Variants in PALM2AKAP2 observed in about 807,000 individuals in gnomAD.
PALM2AKAP2 encodes the protein PALM2-AKAP2 fusion protein.
In PALM2AKAP2, 37 loss-of-function variants were observed where a neutral mutation model predicts 71.5. The observed-to-expected ratio is 0.52, with a 90% CI of 0.40 to 0.68. The LOEUF (loss-of-function observed/expected upper bound fraction) is 0.68, where lower values mean the gene tolerates loss of function less well. Among genes scored for constraint, PALM2AKAP2 ranks in the 30% least tolerant of loss-of-function variants. The probability of loss-of-function intolerance (pLI) is 0.00; values close to 1 mark genes in which losing one functional copy is unlikely to be tolerated. For synonymous variants in PALM2AKAP2, 468 were observed against 478.8 expected (o/e 0.98, Z 0.29); for missense variants, 1,224 against 1,191.8 (o/e 1.03, Z -0.40).
chr9:110,106,509 T>G (rs551886414), intron 1 of PALM2AKAP2, among the ~76,000 whole-genome samples: 1 of 152,048 alleles, frequency 6.6e-6, no homozygotes, highest in East Asian at 1.9e-4. Context: ...CCCTTTTAGG[T>G]AGAGGGAAGA....
intron 3 of PALM2AKAP2, among the ~76,000 whole-genome samples, chr9:109,904,696 A>C (rs1021550316): frequency 6.6e-5 from 10 of 152,194 alleles, no homozygotes; most frequent in African/African-American, 2.4e-4. Flanking sequence ...CTGAACACAG[A>C]GGTGGCCGGT....
chr9:109,780,768 G>A (rs78500620), intron 1 of PALM2AKAP2, among the ~76,000 whole-genome samples: 1 of 152,296 alleles, frequency 6.6e-6, no homozygotes, highest in East Asian at 1.9e-4. Context: ...CTTAAAAAAA[G>A]ATGCTTGCTG....
At chr9:109,880,739 G>T in intron 3 of PALM2AKAP2, 58 bp downstream of exon 3, 1 of 1,594,844 alleles carries the variant, frequency 6.3e-7, no homozygotes, top group Non-Finnish European at 8.5e-7. Flanking sequence ...AGTAACCACT[G>T]CTCTCCTCTA....
chr9:110,135,668 G>A (rs993329777), intron 1 of PALM2AKAP2, among the ~76,000 whole-genome samples: 6 of 152,156 alleles, frequency 3.9e-5, no homozygotes, highest in Admixed American at 3.3e-4. Context: ...CTGTTTTCCA[G>A]TATTTTATTC....
At chr9:109,743,800 A>G (rs1828756747) in intron 1 of PALM2AKAP2, among the ~76,000 whole-genome samples, 1 of 152,216 alleles carries the variant, frequency 6.6e-6, no homozygotes, top group African/African-American at 2.4e-5. Context: ...AACAGGAGAC[A>G]TGTCTTTCTT....
chr9:109,722,671 C>T (rs1828423882), intron 1 of PALM2AKAP2, among the ~76,000 whole-genome samples: 1 of 152,124 alleles, frequency 6.6e-6, no homozygotes, highest in South Asian at 2.1e-4. Flanking sequence ...TTTCGTGAGG[C>T]TGAGGTGGGG....
chr9:109,699,926 C>G lies in PALM2AKAP2; in HGVS notation c.5+59060C>G, dbSNP rs531745973. Reference sequence around the variant, plus strand: ...GAGTAGCTGGGACTACAGGCATGTGCCGCCACACCCGGCTAATTTTTGTAT... The same window carrying G: ...GAGTAGCTGGGACTACAGGCATGTGGCGCCACACCCGGCTAATTTTTGTAT... On this transcript the variant is annotated intron_variant, in intron 1 of 6. Coordinates refer to the PALM2AKAP2 transcript ENST00000374531. Among the ~76,000 whole-genome samples, 6 of 152,176 alleles carry G rather than the reference C, an allele frequency of 3.9e-5. No individual in the cohort carries two copies. The South Asian group carries it at 1.2e-3, about 32-fold the overall frequency.
In PALM2AKAP2 at chr9:110,041,802, C is replaced by T. The variant is rs561181098; in HGVS notation, c.582+25763C>T. ...AAGTAAGGGCGACTGTGTCCACCTC[C>T]GGTGGTTCCCAAATCAGGCTGTCAC... On this transcript the variant is annotated intron_variant, in intron 7 of 9. Transcript: ENST00000302798. Among the ~76,000 whole-genome samples, 52 of 152,348 alleles carry T rather than the reference C, an allele frequency of 3.4e-4. 1 individual carries two copies. In the South Asian group the frequency reaches 8.1e-3, roughly 24 times the overall value.
At chr9:109,960,501 G>A (rs1360503214) in intron 6 of PALM2AKAP2, among the ~76,000 whole-genome samples, 2 of 152,202 alleles carry the variant, frequency 1.3e-5, no homozygotes, top group Non-Finnish European at 2.9e-5. Flanking sequence ...CATAAGTTGA[G>A]CACGGTGGTA....
intron 3 of PALM2AKAP2, among the ~76,000 whole-genome samples, chr9:109,899,350 G>A (rs1830278228): frequency 1.3e-5 from 2 of 152,092 alleles, no homozygotes; most frequent in Admixed American, 6.6e-5. Context: ...TATAATAAAA[G>A]GATTCTTGAT....
At chr9:109,872,416 T>A (rs1047165025) in intron 2 of PALM2AKAP2, among the ~76,000 whole-genome samples, 1 of 152,168 alleles carries the variant, frequency 6.6e-6, no homozygotes, top group Non-Finnish European at 1.5e-5. Context: ...GAGTAGGCAC[T>A]GAGTACCTAC....
At chr9:109,858,202 C>T (rs1385140035) in intron 1 of PALM2AKAP2, among the ~76,000 whole-genome samples, 5 of 152,174 alleles carry the variant, frequency 3.3e-5, no homozygotes, top group Admixed American at 2.6e-4. Flanking sequence ...GTCTCTTTAT[C>T]TTCCTGTGCC....
chr9:109,665,295 C>T (rs1827465007), intron 1 of PALM2AKAP2, among the ~76,000 whole-genome samples: 1 of 152,146 alleles, frequency 6.6e-6, no homozygotes, highest in Non-Finnish European at 1.5e-5. Flanking sequence ...CAGCTTTTCT[C>T]CTCTGGTTTC....
At chr9:110,053,543 A>G (rs561723633) in intron 1 of PALM2AKAP2, among the ~76,000 whole-genome samples, 35 of 150,832 alleles carry the variant, frequency 2.3e-4, no homozygotes, top group Non-Finnish European at 3.0e-4. Flanking sequence ...AAAAAAAAAA[A>G]AAAAAGAAAA....
intron 6 of PALM2AKAP2, among the ~76,000 whole-genome samples, chr9:109,947,449 C>T (rs1274342908): frequency 6.6e-6 from 1 of 152,134 alleles, no homozygotes; most frequent in Non-Finnish European, 1.5e-5. Flanking sequence ...TTTCAAGGGA[C>T]CACAGCACAC....
intron 6 of PALM2AKAP2, among the ~76,000 whole-genome samples, chr9:110,014,808 ATATATATATAT>A (rs1832949392): frequency 4.8e-4 from 2 of 4,194 alleles, no homozygotes; most frequent in South Asian, 6.8e-3. Flanking sequence ...AAAAAAATGT[ATATATATATAT>A]ATATATATAT....
At chr9:110,085,129 C>T (rs557932621) in intron 1 of PALM2AKAP2, among the ~76,000 whole-genome samples, 1 of 152,292 alleles carries the variant, frequency 6.6e-6, no homozygotes, top group African/African-American at 2.4e-5. Context: ...GCCAATTGTA[C>T]TTACTCTTGG....
At chr9:110,067,285 A>G (rs1376264331) in intron 1 of PALM2AKAP2, among the ~76,000 whole-genome samples, 1 of 152,228 alleles carries the variant, frequency 6.6e-6, no homozygotes, top group Admixed American at 6.5e-5. Context: ...TTTTCTAACA[A>G]TGATAATTAA....
intron 1 of PALM2AKAP2, among the ~76,000 whole-genome samples, chr9:109,763,338 CACGGGCT>C (rs1264253846): frequency 7.2e-5 from 11 of 152,152 alleles, no homozygotes; most frequent in Admixed American, 6.5e-4. Context: ...GAGCTGAGAC[CACGGGCT>C]ATACTACCAG....
Sources: allele counts gnomAD v4.1 joint callset (sites outside exome capture counted in the v4.1 genomes callset), GRCh38; gene constraint gnomAD v4.1.1; transcripts MANE v1.5; gene names NCBI Gene and HGNC (gene_info 2026-07-23, HGNC 2026-07-21).